The following CELF2 variants were observed in gnomAD, a reference collection of about 807,000 sequenced individuals.
CELF2 encodes CUGBP Elav-like family member 2.
In CELF2, 8 loss-of-function variants were observed where a neutral mutation model predicts 62.6. That is an observed-to-expected ratio of 0.13 (90% CI 0.07 to 0.23). The LOEUF (loss-of-function observed/expected upper bound fraction) is 0.23, where lower values mean the gene tolerates loss of function less well. CELF2 is among the 10% of genes least tolerant of loss of function. The pLI, the probability that CELF2 is intolerant of heterozygous loss-of-function variation, is 1.00. For synonymous variants in CELF2, 258 were observed against 250.0 expected (o/e 1.03, Z -0.30); for missense variants, 333 against 671.0 (o/e 0.50, Z 5.56).
chr10:11,060,788 ATTATAACTG>A (rs1268600398), intron 1 of CELF2, among the ~76,000 whole-genome samples: 1 of 152,128 alleles, frequency 6.6e-6, no homozygotes, highest in African/African-American at 2.4e-5. Flanking sequence ...TTCAAACTTT[ATTATAACTG>A]TTACAGTGAT....
chr10:11,032,174 G>C (rs985633136), intron 1 of CELF2, among the ~76,000 whole-genome samples: 2 of 79,760 alleles, frequency 2.5e-5, no homozygotes, highest in Non-Finnish European at 3.6e-5. Flanking sequence ...AAAAAAAATT[G>C]CTTCCAGGGG....
At chr10:10,962,809 A>G (rs1292303024) in intron 2 of CELF2, among the ~76,000 whole-genome samples, 1 of 152,204 alleles carries the variant, frequency 6.6e-6, no homozygotes, top group African/African-American at 2.4e-5. Context: ...AGGAGAAAAA[A>G]TGTGATATTT....
At chr10:10,600,889 A>C in the CELF2 span, among the ~76,000 whole-genome samples, 1 of 152,236 alleles carries the variant, frequency 6.6e-6, no homozygotes, top group Non-Finnish European at 1.5e-5. Flanking sequence ...CCCATTTTAC[A>C]GATGAGCAAA....
chr10:10,971,806 C>T (rs111451065), intron 2 of CELF2, among the ~76,000 whole-genome samples: 1 of 152,202 alleles, frequency 6.6e-6, no homozygotes, highest in African/African-American at 2.4e-5. Flanking sequence ...AGACTGGTCT[C>T]GAGCTCCTGA....
intron 7 of CELF2, among the ~76,000 whole-genome samples, chr10:11,273,078 G>A (rs1159067219): frequency 1.3e-5 from 2 of 152,156 alleles, no homozygotes; most frequent in Non-Finnish European, 2.9e-5. Context: ...GTGCGTGAGA[G>A]TATGTGTGTG....
chr10:11,088,454 A>G (rs541157914), intron 1 of CELF2, among the ~76,000 whole-genome samples: 1 of 152,282 alleles, frequency 6.6e-6, no homozygotes, highest in South Asian at 2.1e-4. Context: ...TAGACATTAG[A>G]GATCTAGTAA....
the CELF2 span, among the ~76,000 whole-genome samples, chr10:10,631,652 G>A: frequency 1.3e-5 from 2 of 152,214 alleles, no homozygotes; most frequent in South Asian, 2.1e-4. Context: ...AGTGATTTTA[G>A]TGGACCATCC....
chr10:10,668,413 AC>A, the CELF2 span, among the ~76,000 whole-genome samples: 1 of 152,174 alleles, frequency 6.6e-6, no homozygotes, highest in African/African-American at 2.4e-5. Context: ...TGCTTCATGG[AC>A]CCAGTTAGCT....
At chr10:10,462,939 A>G in the CELF2 span, among the ~76,000 whole-genome samples, 1 of 152,038 alleles carries the variant, frequency 6.6e-6, no homozygotes, top group Non-Finnish European at 1.5e-5. Context: ...TCTCCAAGTT[A>G]CTTCCTTCCA....
chr10:10,472,594 G>A, the CELF2 span, among the ~76,000 whole-genome samples: 1 of 151,668 alleles, frequency 6.6e-6, no homozygotes, highest in Non-Finnish European at 1.5e-5. Flanking sequence ...CCTGTTTATG[G>A]CCCATACTTT....
chr10:10,978,234 G>A (rs1288662571), intron 2 of CELF2, among the ~76,000 whole-genome samples: 3 of 151,972 alleles, frequency 2.0e-5, no homozygotes, highest in East Asian at 3.9e-4. Flanking sequence ...GTTCAGTTAC[G>A]CAGAAAATGA....
At chr10:10,574,716 T>C in the CELF2 span, among the ~76,000 whole-genome samples, 1 of 152,024 alleles carries the variant, frequency 6.6e-6, no homozygotes, top group African/African-American at 2.4e-5. Context: ...TTTTGTTTTG[T>C]TTTTGTTTTT....
chr10:10,463,197 T>C, the CELF2 span, among the ~76,000 whole-genome samples: 1 of 152,210 alleles, frequency 6.6e-6, no homozygotes, highest in Non-Finnish European at 1.5e-5. Flanking sequence ...GACCTTGTAT[T>C]TGAGATGCTA....
intron 3 of CELF2, among the ~76,000 whole-genome samples, chr10:11,248,682 G>A (rs986994092): frequency 6.6e-6 from 1 of 152,096 alleles, no homozygotes; most frequent in Non-Finnish European, 1.5e-5. Flanking sequence ...TATTTTCAAC[G>A]CATCTTAGCC....
intron 2 of CELF2, chr10:10,960,030 C>T (rs2049317623): frequency 6.6e-6 from 1 of 152,254 alleles, no homozygotes; most frequent in African/African-American, 2.4e-5. Flanking sequence ...GACTTTCAAA[C>T]TCTCCAGCCA....
chr10:11,140,437 A>G (rs892439023), intron 1 of CELF2, among the ~76,000 whole-genome samples: 4 of 150,972 alleles, frequency 2.6e-5, no homozygotes, highest in African/African-American at 9.8e-5. Flanking sequence ...CCCCATTTCA[A>G]CTATCTGGTA....
chr10:10,766,835 A>G, the CELF2 span, among the ~76,000 whole-genome samples: 1 of 152,188 alleles, frequency 6.6e-6, no homozygotes, highest in African/African-American at 2.4e-5. Flanking sequence ...TAAGACATGA[A>G]AGTCTACAGG....
intron 1 of CELF2, among the ~76,000 whole-genome samples, chr10:10,906,337 C>T (rs932261051): frequency 1.3e-5 from 2 of 152,222 alleles, no homozygotes; most frequent in African/African-American, 2.4e-5. Context: ...GCCATCTTTG[C>T]TGATGCGGTG....
At chr10:10,758,561 C>T in the CELF2 span, among the ~76,000 whole-genome samples, 20 of 148,864 alleles carry the variant, frequency 1.3e-4, no homozygotes, top group Non-Finnish European at 2.2e-4. Flanking sequence ...ACAGAGCCTA[C>T]GCTGTCCCAG....
Sources: allele counts gnomAD v4.1 joint callset (sites outside exome capture counted in the v4.1 genomes callset), GRCh38; gene constraint gnomAD v4.1.1; transcripts MANE v1.5; gene names NCBI Gene and HGNC (gene_info 2026-07-23, HGNC 2026-07-21).